USP25: variants seen among roughly 807,000 people sequenced by gnomAD.
USP25 encodes ubiquitin specific peptidase 25.
USP25 carries 85 observed loss-of-function variants against 158.5 expected under a neutral mutation model. That is an observed-to-expected ratio of 0.54 (90% CI 0.45 to 0.64). USP25 has a LOEUF of 0.64. Ranked by LOEUF, USP25 falls within the 30% of genes least tolerant of loss-of-function variation. The probability of loss-of-function intolerance (pLI) is 0.00; values close to 1 mark genes in which losing one functional copy is unlikely to be tolerated. For synonymous variants in USP25, 464 were observed against 460.4 expected, an observed-to-expected ratio of 1.01 and a Z score of -0.10; for missense variants, 1,242 against 1,327.3, an observed-to-expected ratio of 0.94 and a Z score of 1.00.
At chr21:15,808,170 A>G (rs1278853294) in intron 7 of USP25, among the ~76,000 whole-genome samples, 1 of 152,052 alleles carries the variant, frequency 6.6e-6, no homozygotes, top group Admixed American at 6.6e-5. Flanking sequence ...TCTATTTATT[A>G]TTTTCTGTGT....
At chr21:15,777,493 A>G (rs1433904344) in intron 3 of USP25, among the ~76,000 whole-genome samples, 1 of 152,154 alleles carries the variant, frequency 6.6e-6, no homozygotes, top group Non-Finnish European at 1.5e-5. Context: ...TAATGTCTAG[A>G]TGGTAGTAGT....
Position 15,864,371 on chromosome 21 carries a change from A to G in USP25, c.2651A>G (p.Asn884Ser). 8 of 1,612,994 alleles carry G rather than the reference A, an allele frequency of 5.0e-6. No individual in the cohort carries two copies. The highest frequency in any genetic ancestry group is 6.8e-6 in the Non-Finnish European group (8 of 1,179,688). ...CATGTAGTGGTCTACTTTATCCAGA[A>G]CCAGGCACCAAAGAAAATTATTGAG... ...LHHVVVYFIQNQAPKKIIEKT... is the reference protein window; with the variant it reads ...LHHVVVYFIQSQAPKKIIEKT... The change falls in exon 21 of 26, where the codon AAC becomes AGC. Residue 884 changes from asparagine to serine, a missense_variant. Transcript: ENST00000400183.
chr21:15,835,892 A>C (rs760314821), intron 17 of USP25, among the ~76,000 whole-genome samples: 1 of 152,218 alleles, frequency 6.6e-6, no homozygotes, highest in Non-Finnish European at 1.5e-5. Flanking sequence ...GATTATATTA[A>C]GAAATTTGTT....
chr21:15,790,724 A>T (rs2035544706), intron 4 of USP25, among the ~76,000 whole-genome samples: 1 of 150,678 alleles, frequency 6.6e-6, no homozygotes, highest in Admixed American at 6.6e-5. Context: ...GCTTGGTTAG[A>T]TCCTATGTGG....
At chr21:15,765,722 A>G (rs1201082276) in intron 2 of USP25, among the ~76,000 whole-genome samples, 2 of 152,080 alleles carry the variant, frequency 1.3e-5, no homozygotes. Flanking sequence ...TTTGTGATTC[A>G]CTTTTATTAA....
chr21:15,760,510 A>G (rs1213500030), intron 1 of USP25, among the ~76,000 whole-genome samples: 1 of 152,228 alleles, frequency 6.6e-6, no homozygotes, highest in Non-Finnish European at 1.5e-5. Flanking sequence ...TATAGTTTCT[A>G]TCTAATACAT....
intron 5 of USP25, among the ~76,000 whole-genome samples, chr21:15,795,102 C>A (rs1436771900): frequency 6.6e-6 from 1 of 151,404 alleles, no homozygotes; most frequent in African/African-American, 2.4e-5. Flanking sequence ...TGTATCTAAT[C>A]CATTTCTTCT....
At chr21:15,854,949 C>A (rs1157241001) in intron 20 of USP25, among the ~76,000 whole-genome samples, 2 of 152,060 alleles carry the variant, frequency 1.3e-5, no homozygotes, top group Non-Finnish European at 2.9e-5. Flanking sequence ...TAGTGGCTTA[C>A]GGAGAGAAGA....
At chr21:15,828,925 C>G (rs2037662119) in intron 14 of USP25, among the ~76,000 whole-genome samples, 1 of 152,156 alleles carries the variant, frequency 6.6e-6, no homozygotes, top group Non-Finnish European at 1.5e-5. Context: ...GCGTGAGCCA[C>G]CATGCCTGGC....
chr21:15,797,137 T>C (rs532917946), intron 5 of USP25, among the ~76,000 whole-genome samples: 25 of 151,552 alleles, frequency 1.6e-4, no homozygotes, highest in African/African-American at 5.5e-4. Flanking sequence ...ATCAAAGAGA[T>C]ACTTTGGATA....
In USP25 at chr21:15,805,185, A is replaced by C. The variant is rs912553252; in HGVS notation, c.707A>C (p.Lys236Thr). Reference protein sequence around the residue: ...RYLFALLVGTKRKYVDPSRAV... With the variant: ...RYLFALLVGTTRKYVDPSRAV... ...CTATTTGCACTTCTTGTTGGTACCA[A>C]AAGGAAGTATGTTGATCCATCAAGA... Residue 236 changes from lysine to threonine, a missense_variant, in exon 7 of 26, where the codon AAA becomes ACA. Coordinates refer to ENST00000400183, the MANE Select transcript of USP25 (RefSeq NM_001283041.3). 6.2e-7 allele frequency: 1 copy of C among 1,610,248 alleles called. No homozygotes were observed. Among genetic ancestry groups the C allele is most frequent in the African/African-American group, 1.3e-5 (1 of 74,744 alleles).
At chr21:15,761,873 G>A (rs1029382055) in intron 1 of USP25, among the ~76,000 whole-genome samples, 2 of 152,092 alleles carry the variant, frequency 1.3e-5, no homozygotes, top group African/African-American at 4.8e-5. Flanking sequence ...CTAAAAACTT[G>A]CCTTGATGTC....
At chr21:15,779,485 A>G (rs1362253675) in intron 4 of USP25, among the ~76,000 whole-genome samples, 2 of 151,830 alleles carry the variant, frequency 1.3e-5, no homozygotes, top group Admixed American at 6.5e-5. Context: ...ATGAATTTAT[A>G]TGAGTATATG....
At chr21:15,801,656 T>C (rs1224068438) in intron 6 of USP25, among the ~76,000 whole-genome samples, 1 of 151,602 alleles carries the variant, frequency 6.6e-6, no homozygotes, top group Non-Finnish European at 1.5e-5. Flanking sequence ...AACTTGTCAC[T>C]TATTTAATAA....
At chr21:15,810,852 C>T (rs1033199746) in intron 8 of USP25, among the ~76,000 whole-genome samples, 2 of 152,156 alleles carry the variant, frequency 1.3e-5, no homozygotes, top group African/African-American at 2.4e-5. Flanking sequence ...ACTTTGTGCA[C>T]AAACTGTGTC....
In USP25 at chr21:15,824,126, C is replaced by T; in HGVS notation, c.1168C>T (p.His390Tyr). 6.2e-7 allele frequency: 1 copy of T among 1,613,314 alleles called. No homozygotes were observed. Among genetic ancestry groups the T allele is most frequent in the Admixed American group, 1.7e-5 (1 of 59,982 alleles). Residue 390 changes from histidine (H) to tyrosine (Y), a missense_variant, in exon 11 of 26, where the codon CAC becomes TAC. This residue lies in a region of USP25 where 627 missense variants were observed against 701.4 expected (regional missense o/e 0.89). Coordinates refer to ENST00000400183, the MANE Select transcript of USP25 (RefSeq NM_001283041.3). ...NQALGRPEKI[H>Y]NKLEFPQVLY... The stretch of plus-strand genomic sequence containing the variant: ...GGCATTGGGAAGACCAGAAAAAATT[C>T]ACAACAAATTAGAATTTCCCCAAGT...
chr21:15,831,536 G>A lies in USP25; in HGVS notation c.1900G>A (p.Glu634Lys). The A allele has an allele frequency of 1.2e-6, 2 of 1,614,102 alleles. No homozygotes were observed. The highest frequency in any genetic ancestry group is 1.7e-6 in the Non-Finnish European group (2 of 1,179,968). The change falls in exon 16 of 26, where the codon GAA becomes AAA. Residue 634 changes from glutamate to lysine, a missense_variant. Around this residue, in one of 3 missense-constraint regions of USP25, gnomAD observed 608 missense variants for 605.2 expected, o/e 1.00. Coordinates refer to ENST00000400183, the MANE Select transcript of USP25 (RefSeq NM_001283041.3). ...NDIAVTKSSW[E>K]ELVRDSFGGY... ...TATTGCTGTGACAAAATCATCATGG[G>A]AAGAGCTAGTGAGGGACTCTTTTGG...
In USP25 at chr21:15,808,884, ACGTAAGT is replaced by A; in HGVS notation, c.857_857+6del. 1 of 1,607,524 alleles carries A rather than the reference ACGTAAGT, an allele frequency of 6.2e-7. No individual in the cohort carries two copies. The highest frequency in any genetic ancestry group is 8.5e-7 in the Non-Finnish European group (1 of 1,177,550). The stretch of plus-strand genomic sequence containing the variant: ...CTTCCAAATGAAAGCTGAAGAGGAG[ACGTAAGT>A]TACCGTGAAGTTTAGCAATGGGGTT... On this transcript the variant is annotated splice_donor_variant and splice_donor_5th_base_variant and coding_sequence_variant and intron_variant, in exon 8 of 26. Transcript: ENST00000400183. LOFTEE classifies it high-confidence loss of function.
chr21:15,808,029 G>GA (rs2146281723), intron 7 of USP25, among the ~76,000 whole-genome samples: 2 of 152,272 alleles, frequency 1.3e-5, no homozygotes, highest in African/African-American at 4.8e-5. Context: ...ACTGCTGGCT[G>GA]AAAAAATATA....
Sources: allele counts gnomAD v4.1 joint callset (sites outside exome capture counted in the v4.1 genomes callset), GRCh38; gene constraint gnomAD v4.1.1; regional missense constraint gnomAD v4.1.1; transcripts MANE v1.5; gene names NCBI Gene and HGNC (gene_info 2026-07-23, HGNC 2026-07-21).